EIF2B1: variants seen among roughly 807,000 people sequenced by gnomAD.
The protein encoded by EIF2B1 is eukaryotic translation initiation factor 2B subunit alpha.
In EIF2B1, 30 loss-of-function variants were observed where a neutral mutation model predicts 36.8. The observed-to-expected ratio is 0.81, with a 90% confidence interval of 0.61 to 1.10. EIF2B1 has a LOEUF of 1.10. Ranked by LOEUF, EIF2B1 falls within the 50% of genes least tolerant of loss-of-function variation. The probability of loss-of-function intolerance (pLI) is 0.00; values close to 1 mark genes in which losing one functional copy is unlikely to be tolerated. For synonymous variants in EIF2B1, 139 were observed against 142.2 expected (o/e 0.98, Z 0.16); for missense variants, 271 against 374.8 (o/e 0.72, Z 2.29).
rs754382992 is a variant in EIF2B1, at chr12:123,630,143, T to A, written c.369+26A>T. The stretch of plus-strand genomic sequence containing the variant: ...CGGACTCGAAACCGTTGCTCCTCCT[T>A]ACCACCATGATGATTATCCACTCAC... On this transcript the variant is annotated intron_variant, in intron 4 of 8. Transcript: ENST00000424014. This position sits in a 1 kb window ranked among gnomAD's most constrained non-coding sequence, Gnocchi z 4.6. 33 of 1,605,504 alleles carry A rather than the reference T, an allele frequency of 2.1e-5. No homozygotes were observed. Among genetic ancestry groups the A allele is most frequent in the Non-Finnish European group, 2.6e-5 (31 of 1,173,010 alleles).
At chr12:123,622,569 T>C in intron 8 of EIF2B1, 67 bp downstream of exon 8, 1 of 1,605,344 alleles carries the variant, frequency 6.2e-7, no homozygotes, top group Non-Finnish European at 8.5e-7. Context: ...GGAACATTCT[T>C]AGGACTACAA....
rs4040224 is a variant in EIF2B1 at position 123,632,945 on chromosome 12, C to CAAAA, written c.14-503_14-500dup. Among the ~76,000 whole-genome samples, 192 of 75,092 alleles carry CAAAA rather than the reference C, an allele frequency of 2.6e-3. 3 individuals carry two copies. The highest frequency in any genetic ancestry group is 0.011 in the African/African-American group (177 of 16,456). The allele number at this position is 75,092 out of a possible 152,430, so 49.3% of individuals were successfully genotyped here. ...TGGGTGACAGAGCGAGACTCCGTCTCAAAAAAAAAAAAAAAAAAGCTACTG... is the reference window on the plus strand; with the variant it reads ...TGGGTGACAGAGCGAGACTCCGTCTCAAAAAAAAAAAAAAAAAAAAAAGCTACTG... On this transcript the variant is annotated intron_variant, in intron 1 of 8. Transcript: ENST00000424014.
chr12:123,621,946 G>A lies in EIF2B1; in HGVS notation c.754-26C>T, dbSNP rs370901924. 183 of 1,612,954 alleles carry A rather than the reference G, an allele frequency of 1.1e-4. 1 individual carries two copies. Among genetic ancestry groups the A allele is most frequent in the South Asian group, 3.6e-4 (33 of 90,950 alleles). On this transcript the variant is annotated intron_variant, in intron 8 of 8. Transcript: ENST00000424014. ...CTGAGGAGAGAAGTACACATTAGTCGGCACTGAATATTTAGTGCTCTGACC... is the reference window on the plus strand; with the variant it reads ...CTGAGGAGAGAAGTACACATTAGTCAGCACTGAATATTTAGTGCTCTGACC...
intron 6 of EIF2B1, 50 bp from the exon 7 acceptor site, chr12:123,624,912 T>A: frequency 1.3e-6 from 2 of 1,486,086 alleles, no homozygotes; most frequent in Non-Finnish European, 1.9e-6. Flanking sequence ...CTCTAACGAG[T>A]AGCATCATCA....
Position 123,621,774 on chromosome 12 carries a change from G to A in EIF2B1, c.900C>T (p.Leu300=), listed in dbSNP as rs767419184. Residue 300 remains leucine (L), a synonymous_variant, in exon 9 of 9, where the codon CTC becomes CTT. Coordinates refer to ENST00000424014, the MANE Select transcript of EIF2B1 (RefSeq NM_001414.4). ...VLTPSAVSDE[L]IKLYL ...TCACAGGTTACAGATAGAGCTTGAT[G>A]AGCTCATCGCTGACTGCTGAGGGTG... 1.9e-6 allele frequency: 3 copies of A among 1,613,636 alleles called. No individual in the cohort carries two copies. The highest frequency in any genetic ancestry group is 3.3e-5 in the Admixed American group (2 of 59,996).
chr12:123,633,492 G>C (rs1452395569), intron 1 of EIF2B1, 53 bp downstream of exon 1: 1 of 1,612,836 alleles, frequency 6.2e-7, no homozygotes, highest in African/African-American at 1.3e-5. Flanking sequence ...AGGTTGGGGG[G>C]ACCCCTGAAC....
At position 123,627,153 on chromosome 12, in the gene EIF2B1, T is replaced by A. The variant is rs778317602; in HGVS notation, c.373A>T (p.Ile125Leu). Residue 125 changes from isoleucine (I) to leucine (L), a missense_variant, in exon 5 of 9, where the codon ATA (isoleucine) becomes TTA (leucine). Ile to Leu is a conservative substitution (Grantham distance 5). Transcript: ENST00000424014. ...CHTFIKDGAT[I>L]LTHAYSRVVL... The stretch of plus-strand genomic sequence containing the variant: ...ACTCTGGAGTAGGCGTGAGTCAATA[T>A]TGTCTGTGGACCGAGAAAGCTTTGT... 1 of 1,613,768 alleles carries A rather than the reference T, an allele frequency of 6.2e-7. No individual in the cohort carries two copies. The highest frequency in any genetic ancestry group is 1.1e-5 in the South Asian group (1 of 91,052).
At chr12:123,625,682 G>A (rs1214253038) in intron 6 of EIF2B1, among the ~76,000 whole-genome samples, 3 of 152,196 alleles carry the variant, frequency 2.0e-5, no homozygotes, top group Admixed American at 2.0e-4. Flanking sequence ...GACAATCCCA[G>A]GAACATGTGA....
In EIF2B1 at chr12:123,620,607, T is replaced by TAA. The variant is rs1359591143; in HGVS notation, c.*1148_*1149insTT. ...ATATATATATATATATATATATATA[T>TAA]ATATATATATATATATATATAAGCT... On this transcript the variant is annotated 3_prime_UTR_variant, in exon 9 of 9. Coordinates refer to ENST00000424014, the MANE Select transcript of EIF2B1 (RefSeq NM_001414.4). 8 of 75,948 alleles carry TAA rather than the reference T, an allele frequency of 1.1e-4. No individual in the cohort carries two copies. The highest frequency in any genetic ancestry group is 3.3e-4 in the African/African-American group (8 of 24,138). The allele number at this position is 75,948 out of a possible 1,614,324, so 4.7% of individuals were successfully genotyped here.
intron 8 of EIF2B1, among the ~76,000 whole-genome samples, chr12:123,622,401 T>TAA (rs1176407507): frequency 3.9e-5 from 6 of 152,198 alleles, no homozygotes; most frequent in African/African-American, 1.4e-4. Context: ...AGCTGGGACT[T>TAA]ACCCACCAGC....
At chr12:123,622,010 C>T in intron 8 of EIF2B1, 90 bp from the exon 9 acceptor site, 4 of 1,530,796 alleles carry the variant, frequency 2.6e-6, no homozygotes, top group South Asian at 2.3e-5. Context: ...GTGCTACTTC[C>T]TGAGACTGCT....
Position 123,622,692 on chromosome 12 carries a change from A to G in EIF2B1, c.697T>C (p.Phe233Leu). The change falls in exon 8 of 9, where the codon TTC (phenylalanine) becomes CTC (leucine). Residue 233 changes from phenylalanine to leucine, a missense_variant. Transcript: ENST00000424014. The part of the protein sequence containing the change: ...NKPFYVVAES[F>L]KFVRLFPLNQ... ...AGTGGAAAGAGCCGGACAAACTTGA[A>G]ACTTTCTGCAACCACATAGAAAGGT... 6.2e-7 allele frequency: 1 copy of G among 1,614,224 alleles called. No individual in the cohort carries two copies. The highest frequency in any genetic ancestry group is 2.2e-5 in the East Asian group (1 of 44,892).
chr12:123,631,302 G>A (rs1955184826), intron 2 of EIF2B1, among the ~76,000 whole-genome samples: 2 of 152,222 alleles, frequency 1.3e-5, no homozygotes, highest in Admixed American at 1.3e-4. Context: ...GAAGGCAGAA[G>A]CTGAGCTTGG....
intron 8 of EIF2B1, 107 bp downstream of exon 8, chr12:123,622,529 A>G: frequency 6.8e-7 from 1 of 1,463,636 alleles, no homozygotes; most frequent in Non-Finnish European, 9.5e-7. Flanking sequence ...AGTGTTGGGG[A>G]AAGTAGCAAT....
Position 123,620,580 on chromosome 12 carries a change from TTATA to T in EIF2B1, c.*1172_*1175del, listed in dbSNP as rs68169681. On this transcript the variant is annotated 3_prime_UTR_variant, in exon 9 of 9. Coordinates refer to ENST00000424014, the MANE Select transcript of EIF2B1 (RefSeq NM_001414.4). ...GGTCACATATAGACATATGTACATA[TTATA>T]TATATATATATATATATATATATAT... 1,053 of 64,704 alleles carry T rather than the reference TTATA, an allele frequency of 0.016. 21 individuals carry two copies. The highest frequency in any genetic ancestry group is 0.025 in the African/African-American group (382 of 15,332). 4.0% of individuals were successfully genotyped at this position (64,704 alleles called of 1,614,324 possible).
chr12:123,624,966 C>T (rs1955137320), intron 6 of EIF2B1, 104 bp from the exon 7 acceptor site: 1 of 1,049,530 alleles, frequency 9.5e-7, no homozygotes, highest in Admixed American at 1.9e-5. Flanking sequence ...TAAGTTCCTC[C>T]CATAACTACC....
At chr12:123,632,933 G>T (rs1260278877) in intron 1 of EIF2B1, among the ~76,000 whole-genome samples, 1 of 130,928 alleles carries the variant, frequency 7.6e-6, no homozygotes, top group African/African-American at 3.0e-5. Flanking sequence ...GTGACAGAGC[G>T]AGACTCCGTC....
intron 8 of EIF2B1, among the ~76,000 whole-genome samples, chr12:123,622,422 C>G (rs959913986): frequency 5.9e-5 from 9 of 152,192 alleles, no homozygotes; most frequent in Non-Finnish European, 1.3e-4. Context: ...TTCGGGCTTC[C>G]TCTCCACCCA....
intron 6 of EIF2B1, among the ~76,000 whole-genome samples, chr12:123,625,627 C>T (rs1955142740): frequency 6.6e-6 from 1 of 152,224 alleles, no homozygotes; most frequent in South Asian, 2.1e-4. Flanking sequence ...ATCTTGTTTT[C>T]ATTCCAAGAG....
Sources: allele counts gnomAD v4.1 joint callset (sites outside exome capture counted in the v4.1 genomes callset), GRCh38; gene constraint gnomAD v4.1.1; non-coding constraint Gnocchi (gnomAD v3.1); transcripts MANE v1.5; gene names NCBI Gene and HGNC (gene_info 2026-07-23, HGNC 2026-07-21).